Variants in SEPTIN3 observed in about 807,000 individuals in gnomAD.
SEPTIN3 encodes septin 3, also known as neuronal-specific septin-3.
Under a neutral mutation model 45.1 loss-of-function variants are expected in SEPTIN3, and 15 were observed. That is an observed-to-expected ratio of 0.33 (90% CI 0.22 to 0.51). The LOEUF (loss-of-function observed/expected upper bound fraction) is 0.51. SEPTIN3 is among the 20% of genes least tolerant of loss of function. The pLI, the probability that SEPTIN3 is intolerant of heterozygous loss-of-function variation, is 0.97. For missense variants in SEPTIN3, 289 were observed against 457.2 expected, an observed-to-expected ratio of 0.63 and a Z score of 3.35; for synonymous variants, 148 against 164.8, an observed-to-expected ratio of 0.90 and a Z score of 0.78.
intron 7 of SEPTIN3, among the ~76,000 whole-genome samples, chr22:41,990,275 T>G (rs946276627): frequency 1.3e-5 from 2 of 151,312 alleles, no homozygotes; most frequent in African/African-American, 4.9e-5. Flanking sequence ...CGGCTAGTCT[T>G]GATCTCCTGA....
Position 41,997,096 on chromosome 22 carries a change from G to T in SEPTIN3, c.*129G>T. On this transcript the variant is annotated 3_prime_UTR_variant, in exon 12 of 12. Coordinates refer to ENST00000644076, the MANE Select transcript of SEPTIN3 (RefSeq NM_001363845.2). ...CCTCTCAGCCCTCAGTAGGTGGGAG[G>T]GGCCAGCTGCCTCTTTAGGCCAGTT... The T allele has an allele frequency of 6.5e-7, 1 of 1,527,788 alleles. No homozygotes were observed. Among genetic ancestry groups the T allele is most frequent in the Non-Finnish European group, 8.8e-7 (1 of 1,137,500 alleles). The allele number at this position is 1,527,788 out of a possible 1,614,324, so 94.6% of individuals were successfully genotyped here.
In SEPTIN3 at chr22:41,994,810, A is replaced by G. The variant is rs2078397251; in HGVS notation, c.2505+96A>G. ...CCCACTTCACACACACACATCCCAA[A>G]TACCACCACCAACCACCTTCTTCCT... On this transcript the variant is annotated intron_variant, in intron 11 of 11. Transcript: ENST00000644076. This position sits in a 1 kb window ranked among gnomAD's most constrained non-coding sequence, Gnocchi z 4.2. 2 of 1,608,362 alleles carry G rather than the reference A, an allele frequency of 1.2e-6. No individual in the cohort carries two copies. Among genetic ancestry groups the G allele is most frequent in the Non-Finnish European group, 1.7e-6 (2 of 1,177,662 alleles).
At chr22:41,973,264 G>A (rs951524590) in intron 2 of SEPTIN3, among the ~76,000 whole-genome samples, 21 of 152,108 alleles carry the variant, frequency 1.4e-4, no homozygotes, top group African/African-American at 4.6e-4. Context: ...GCTCATACCT[G>A]TAATCCCAGC....
chr22:41,982,585 A>G (rs952760623), intron 3 of SEPTIN3, among the ~76,000 whole-genome samples: 2 of 151,128 alleles, frequency 1.3e-5, no homozygotes, highest in Non-Finnish European at 2.9e-5. Flanking sequence ...TCACTGCGTC[A>G]CAGAATGTAA....
rs2078016881 is a variant in SEPTIN3 at position 41,976,053 on chromosome 22, C to G, written c.1504+3057C>G. Among the ~76,000 whole-genome samples the G allele has an allele frequency of 6.6e-6, 1 of 152,206 alleles. No individual in the cohort carries two copies. The highest frequency in any genetic ancestry group is 1.5e-5 in the Non-Finnish European group (1 of 68,042). On this transcript the variant is annotated intron_variant, in intron 2 of 11. Transcript: ENST00000644076. This position sits in a 1 kb window ranked among gnomAD's most constrained non-coding sequence, Gnocchi z 5.8. ...CTGTCCACCAGCACCACGCAGCTCTCACCTCTGGAGACCCTCACCTCTGCT... is the reference window on the plus strand; with the variant it reads ...CTGTCCACCAGCACCACGCAGCTCTGACCTCTGGAGACCCTCACCTCTGCT...
intron 9 of SEPTIN3, among the ~76,000 whole-genome samples, chr22:41,993,956 T>A (rs1001223439): frequency 6.6e-6 from 1 of 152,254 alleles, no homozygotes; most frequent in African/African-American, 2.4e-5. Context: ...ATTATAAGCT[T>A]CTGAAGAATG....
intron 6 of SEPTIN3, among the ~76,000 whole-genome samples, chr22:41,988,766 T>C (rs921258527): frequency 6.6e-6 from 1 of 151,998 alleles, no homozygotes; most frequent in Non-Finnish European, 1.5e-5. Context: ...GGCCTCCAGT[T>C]TGGCCCTGCA....
rs1452921093 is a variant in SEPTIN3, at chr22:41,994,149, T to C, written c.2360-141T>C. 2.9e-6 allele frequency: 2 copies of C among 688,036 alleles called. No homozygotes were observed. Among genetic ancestry groups the C allele is most frequent in the Middle Eastern group, 4.7e-4 (2 of 4,224 alleles). 42.6% of individuals were successfully genotyped at this position (688,036 alleles called of 1,614,324 possible). ...AATCCAGTACACCCAAGTGAGCAAATCTCTGGAAGGGTTACAAAAAATGAC... is the reference window on the plus strand; with the variant it reads ...AATCCAGTACACCCAAGTGAGCAAACCTCTGGAAGGGTTACAAAAAATGAC... On this transcript the variant is annotated intron_variant, in intron 9 of 11. Transcript: ENST00000644076. The surrounding 1 kb of genome is among the most constrained non-coding windows in gnomAD (Gnocchi z 4.2).
rs1176940526 is a variant in SEPTIN3 at position 41,996,697 on chromosome 22, G to A, written c.2506-205G>A. 3 of 1,436,790 alleles carry A rather than the reference G, an allele frequency of 2.1e-6. No homozygotes were observed. The African/African-American group carries it at 4.3e-5, about 21-fold the overall frequency. 89.0% of individuals were successfully genotyped at this position (1,436,790 alleles called of 1,614,324 possible). The stretch of plus-strand genomic sequence containing the variant: ...CATTTCAACAGAACAGGGATCCTTG[G>A]CTACTGTAGAAGCAGTCCTGTATGG... On this transcript the variant is annotated intron_variant, in intron 11 of 11. Coordinates refer to ENST00000644076, the MANE Select transcript of SEPTIN3 (RefSeq NM_001363845.2).
chr22:41,994,883 CTGTGTGTGTGTGTGTG>C lies in SEPTIN3; in HGVS notation c.2505+194_2505+209del, dbSNP rs59942714. ...GTCTGGTATTTGTGGAGCATCTTGT[CTGTGTGTGTGTGTGTG>C]TGTGTGTGTGTGTGTGTGTGTGTGA... is the stretch of plus-strand genomic sequence containing the variant. On this transcript the variant is annotated intron_variant, in intron 11 of 11. Coordinates refer to ENST00000644076, the MANE Select transcript of SEPTIN3 (RefSeq NM_001363845.2). The surrounding 1 kb of genome is among the most constrained non-coding windows in gnomAD (Gnocchi z 4.2). The C allele has an allele frequency of 3.3e-5, 45 of 1,343,390 alleles. No homozygotes were observed. The highest frequency in any genetic ancestry group is 1.1e-4 in the African/African-American group (7 of 65,084). The allele number at this position is 1,343,390 out of a possible 1,614,324, so 83.2% of individuals were successfully genotyped here. A position where few individuals can be genotyped will look rare whatever the true frequency, so the allele number is the denominator to read the frequency against.
chr22:41,987,160 C>T (rs1253250262), intron 4 of SEPTIN3, 46 bp from the exon 5 acceptor site: 2 of 1,488,308 alleles, frequency 1.3e-6, no homozygotes, highest in Non-Finnish European at 1.8e-6. Context: ...TACCTGGGGT[C>T]AGCTGTAGGA....
chr22:41,986,986 T>A (rs971052584), intron 4 of SEPTIN3, among the ~76,000 whole-genome samples: 1 of 151,616 alleles, frequency 6.6e-6, no homozygotes, highest in Admixed American at 6.6e-5. Flanking sequence ...TTAAAAAAAA[T>A]AAAAGAAGAA....
intron 2 of SEPTIN3, chr22:41,977,151 TG>T: frequency 2.7e-6 from 4 of 1,462,454 alleles, no homozygotes; most frequent in African/African-American, 1.4e-5. Flanking sequence ...GAGGCGCTCC[TG>T]GGGGAGGGTT....
chr22:41,990,305 C>T (rs569272636), intron 7 of SEPTIN3, among the ~76,000 whole-genome samples: 46 of 151,510 alleles, frequency 3.0e-4, no homozygotes, highest in Non-Finnish European at 4.9e-4. Context: ...CTGCCCGCCT[C>T]GGCCTCCCAA....
intron 5 of SEPTIN3, 118 bp downstream of exon 5, chr22:41,987,405 C>A (rs568318921): frequency 3.6e-6 from 4 of 1,124,004 alleles, no homozygotes; most frequent in Non-Finnish European, 5.1e-6. Context: ...TAGTTCCCGA[C>A]AGCCCAGGCC....
chr22:41,973,205 G>A (rs1388613903), intron 2 of SEPTIN3, among the ~76,000 whole-genome samples: 1 of 152,156 alleles, frequency 6.6e-6, no homozygotes, highest in Non-Finnish European at 1.5e-5. Flanking sequence ...CCAGTCTGAG[G>A]TCAGGCTGAG....
rs985273835 is a variant in SEPTIN3, at chr22:41,971,747, G to A, written c.255G>A (p.Thr85=). The change falls in exon 2 of 12, where the codon ACG becomes ACA. Residue 85 remains threonine (T), a synonymous_variant. Coordinates refer to ENST00000644076, the MANE Select transcript of SEPTIN3 (RefSeq NM_001363845.2). ...ARTRSVPPQE[T]GIALGASLSP... ...CCCGGAGTGTGCCCCCACAGGAGAC[G>A]GGCATCGCTCTGGGGGCTTCCTTGA... 31 of 399,210 alleles carry A rather than the reference G, an allele frequency of 7.8e-5. No homozygotes were observed. In the Admixed American group the frequency reaches 9.7e-4, roughly 12 times the overall value. 24.7% of individuals were successfully genotyped at this position (399,210 alleles called of 1,614,324 possible). A position where few individuals can be genotyped will look rare whatever the true frequency, so the allele number is the denominator to read the frequency against.
chr22:41,993,614 C>T (rs1428829901), intron 9 of SEPTIN3, among the ~76,000 whole-genome samples: 1 of 152,100 alleles, frequency 6.6e-6, no homozygotes, highest in Admixed American at 6.5e-5. Context: ...CCTTGGCCTC[C>T]CAAAGTGCTG....
chr22:41,978,039 TG>T (rs897994129), intron 2 of SEPTIN3, among the ~76,000 whole-genome samples: 1 of 152,082 alleles, frequency 6.6e-6, no homozygotes, highest in Non-Finnish European at 1.5e-5. Context: ...ATGGCAGACT[TG>T]AGCTGCACCC....
Sources: gnomAD v4.1 joint callset for allele counts (sites outside exome capture counted in the v4.1 genomes callset) on GRCh38, gnomAD v4.1.1 for gene constraint, Gnocchi (gnomAD v3.1) non-coding constraint, MANE v1.5 for transcripts, NCBI Gene and HGNC (gene_info 2026-07-23, HGNC 2026-07-21) for gene names.